LCP1: variants seen among roughly 807,000 people sequenced by gnomAD.
LCP1 encodes plastin-2.
A neutral mutation model predicts 72.0 loss-of-function variants in LCP1; 23 were observed. The observed-to-expected ratio is 0.32, with a 90% CI of 0.23 to 0.45. LCP1 has a LOEUF of 0.45. Among genes scored for constraint, LCP1 ranks in the 20% least tolerant of loss-of-function variants. LCP1 has a pLI of 1.00. For missense variants in LCP1, 571 were observed against 748.3 expected (o/e 0.76, Z 2.76); for synonymous variants, 245 against 275.4 (o/e 0.89, Z 1.09).
intron 12 of LCP1, chr13:46,142,837 C>T (rs764762994): frequency 2.2e-5 from 10 of 449,860 alleles, no homozygotes; most frequent in South Asian, 4.8e-5. Flanking sequence ...CCTGTAGCTA[C>T]GCATGGATCA....
At chr13:46,156,313 T>C in intron 5 of LCP1, 125 bp downstream of exon 5, 1 of 1,070,352 alleles carries the variant, frequency 9.3e-7, no homozygotes, top group Non-Finnish European at 1.4e-6. Flanking sequence ...CAAGTGAAAG[T>C]CCAGAAAAGC....
At chr13:46,178,256 T>C (rs578113912) in intron 1 of LCP1, among the ~76,000 whole-genome samples, 5 of 152,278 alleles carry the variant, frequency 3.3e-5, no homozygotes, top group African/African-American at 1.2e-4. Context: ...GGATGATTAA[T>C]TGAAGCGCCT....
At chr13:46,169,356 C>T (rs1278367098) in intron 1 of LCP1, 4 of 152,194 alleles carry the variant, frequency 2.6e-5, no homozygotes, top group Non-Finnish European at 5.9e-5. Flanking sequence ...TAACATGTGC[C>T]AAATCACATA....
rs2045649935 is a variant in LCP1, at chr13:46,134,151, T to C, written c.1602A>G (p.Lys534=). Residue 534 remains lysine (K), a synonymous_variant, in exon 14 of 16, where the codon AAA becomes AAG. Transcript: ENST00000323076. The stretch of plus-strand genomic sequence containing the variant: ...CCTTGAAACTAGAGATGGATGAACT[T>C]TTCTTTGCTTCCCTCAATGTTTCAT... The part of the protein sequence containing the change: ...WVNETLREAK[K]SSSISSFKDP... 1.9e-6 allele frequency: 3 copies of C among 1,613,596 alleles called. No homozygotes were observed. Among genetic ancestry groups the C allele is most frequent in the South Asian group, 2.2e-5 (2 of 91,078 alleles).
At position 46,144,433 on chromosome 13, in the gene LCP1, T is replaced by C. The variant is rs2045717634; in HGVS notation, c.1253+9A>G. ...TCTTACATTAGAATGAGTTCCCAAA[T>C]ATTCCTACCTGTACAAATGATTGAC... On this transcript the variant is annotated intron_variant, in intron 11 of 15. Coordinates refer to ENST00000323076, the MANE Select transcript of LCP1 (RefSeq NM_002298.5). 3.7e-6 allele frequency: 6 copies of C among 1,604,912 alleles called. No homozygotes were observed. The highest frequency in any genetic ancestry group is 2.7e-5 in the African/African-American group (2 of 74,706).
At chr13:46,172,409 G>A (rs749207280) in intron 1 of LCP1, among the ~76,000 whole-genome samples, 15 of 151,894 alleles carry the variant, frequency 9.9e-5, no homozygotes, top group Non-Finnish European at 4.4e-5. Flanking sequence ...ACTTGAACCC[G>A]GGAGGCAGAG....
At position 46,148,507 on chromosome 13, in the gene LCP1, A is replaced by G. The variant is rs532007386; in HGVS notation, c.883-60T>C. 2.9e-5 allele frequency: 30 copies of G among 1,023,546 alleles called. No homozygotes were observed. The Admixed American group carries it at 4.2e-4, about 14-fold the overall frequency. The allele number at this position is 1,023,546 out of a possible 1,614,324, so 63.4% of individuals were successfully genotyped here. ...GCACAGCTAATTACATACTTAGCATAACAATGATTTCCCAAAAGCAAACAT... is the reference window on the plus strand; with the variant it reads ...GCACAGCTAATTACATACTTAGCATGACAATGATTTCCCAAAAGCAAACAT... On this transcript the variant is annotated intron_variant, in intron 8 of 15. Transcript: ENST00000323076.
intron 4 of LCP1, among the ~76,000 whole-genome samples, chr13:46,156,820 C>T (rs954379735): frequency 8.7e-5 from 13 of 149,842 alleles, no homozygotes; most frequent in African/African-American, 3.0e-4. Flanking sequence ...TGTTTCTTTT[C>T]TTTTCTTTTT....
chr13:46,142,687 T>C (rs1402471691), intron 12 of LCP1: 1 of 560,440 alleles, frequency 1.8e-6, no homozygotes, highest in East Asian at 4.2e-5. Context: ...CACAGCTATA[T>C]CACACTGCAG....
intron 4 of LCP1, 42 bp from the exon 5 acceptor site, chr13:46,156,612 C>T: frequency 6.2e-7 from 1 of 1,612,228 alleles, no homozygotes; most frequent in South Asian, 1.1e-5. Context: ...CAAAGTGAAA[C>T]TCTATTATAA....
chr13:46,146,916 G>A lies in LCP1; in HGVS notation c.1166C>T (p.Ala389Val). The A allele has an allele frequency of 6.2e-7, 1 of 1,614,060 alleles. No individual in the cohort carries two copies. The change falls in exon 10 of 16, where the codon GCT becomes GTT. Residue 389 changes from alanine (A) to valine (V), a missense_variant. Physicochemically the swap from Ala to Val is moderately conservative, Grantham distance 64. Transcript: ENST00000323076. Reference sequence around the variant, plus strand: ...AAATCGTTTACAGTTACCTTCAAGAGCCCCCCAGTCAATGTCCTGGTTCTC... The same window carrying A: ...AAATCGTTTACAGTTACCTTCAAGAACCCCCCAGTCAATGTCCTGGTTCTC... ...KPENQDIDWGALEGETREERT... is the reference protein window; with the variant it reads ...KPENQDIDWGVLEGETREERT...
intron 15 of LCP1, among the ~76,000 whole-genome samples, chr13:46,130,173 C>T (rs954225196): frequency 2.6e-5 from 4 of 152,218 alleles, no homozygotes; most frequent in African/African-American, 9.6e-5. Context: ...GAGAAAAGCA[C>T]CTGTCTGGAG....
At chr13:46,165,966 A>C (rs1269030911) in intron 1 of LCP1, among the ~76,000 whole-genome samples, 1 of 149,214 alleles carries the variant, frequency 6.7e-6, no homozygotes, top group Non-Finnish European at 1.5e-5. Context: ...CCTTAAGAAA[A>C]AAAAAGCCCC....
chr13:46,162,101 C>G (rs1190652845), intron 1 of LCP1, among the ~76,000 whole-genome samples: 1 of 152,250 alleles, frequency 6.6e-6, no homozygotes, highest in East Asian at 1.9e-4. Context: ...TCTCAAATCA[C>G]TCAGCTGGGT....
chr13:46,174,834 C>CAAAA (rs398056355), intron 1 of LCP1, among the ~76,000 whole-genome samples: 67 of 82,296 alleles, frequency 8.1e-4, no homozygotes, highest in African/African-American at 2.8e-3. Context: ...ACTCCATCTT[C>CAAAA]AAAAAAAAAA....
intron 13 of LCP1, among the ~76,000 whole-genome samples, chr13:46,139,121 TGGAAATATCATCTG>T (rs2045682723): frequency 6.6e-6 from 1 of 152,178 alleles, no homozygotes; most frequent in Admixed American, 6.5e-5. Context: ...AAAGATAGCT[TGGAAATATCATCTG>T]GAAATACACT....
intron 1 of LCP1, among the ~76,000 whole-genome samples, chr13:46,173,329 C>T (rs149250107): frequency 6.6e-6 from 1 of 152,200 alleles, no homozygotes; most frequent in African/African-American, 2.4e-5. Context: ...AATGCAATCA[C>T]ACCGTTCATT....
intron 1 of LCP1, among the ~76,000 whole-genome samples, chr13:46,164,684 A>T (rs1035391308): frequency 6.6e-6 from 1 of 152,244 alleles, no homozygotes; most frequent in Non-Finnish European, 1.5e-5. Context: ...GGGCAGAAAC[A>T]TGAATAGATA....
At chr13:46,155,056 G>C (rs1566440727) in intron 5 of LCP1, among the ~76,000 whole-genome samples, 170 bp from the exon 6 acceptor site, 1 of 152,274 alleles carries the variant, frequency 6.6e-6, no homozygotes, top group East Asian at 1.9e-4. Context: ...CTATCTGCGG[G>C]AAAGGTGAAT....
Sources: allele counts gnomAD v4.1 joint callset (sites outside exome capture counted in the v4.1 genomes callset), GRCh38; gene constraint gnomAD v4.1.1; transcripts MANE v1.5; gene names NCBI Gene and HGNC (gene_info 2026-07-23, HGNC 2026-07-21).